The following ADGRA3 variants were observed in gnomAD, a reference collection of about 807,000 sequenced individuals.
ADGRA3 encodes the protein G-protein coupled receptor 125.
Under a neutral mutation model 119.8 loss-of-function variants are expected in ADGRA3, and 56 were observed. The observed-to-expected ratio is 0.47, with a 90% CI of 0.38 to 0.58. The LOEUF is 0.58. ADGRA3 is among the 20% of genes least tolerant of loss of function. The pLI is 0.00. For synonymous variants in ADGRA3, 607 were observed against 623.8 expected (o/e 0.97, Z 0.40); for missense variants, 1,516 against 1,649.0 (o/e 0.92, Z 1.40).
At chr4:22,487,676 C>T (rs551667009) in intron 1 of ADGRA3, among the ~76,000 whole-genome samples, 2 of 152,304 alleles carry the variant, frequency 1.3e-5, no homozygotes, top group South Asian at 2.1e-4. Flanking sequence ...AAGAGAGCCA[C>T]AGAGCAGGAC....
At chr4:22,432,322 A>G (rs1716211743) in intron 10 of ADGRA3, among the ~76,000 whole-genome samples, 1 of 152,172 alleles carries the variant, frequency 6.6e-6, no homozygotes, top group Non-Finnish European at 1.5e-5. Context: ...GGCAGCAATC[A>G]CTGCGTATAA....
intron 2 of ADGRA3, among the ~76,000 whole-genome samples, chr4:22,469,214 C>T (rs1242105656): frequency 6.6e-6 from 1 of 152,138 alleles, no homozygotes; most frequent in Non-Finnish European, 1.5e-5. Flanking sequence ...ACCCTCAACC[C>T]ACAGAGAGCC....
At chr4:22,402,254 T>C (rs539869917) in intron 15 of ADGRA3, among the ~76,000 whole-genome samples, 1 of 152,262 alleles carries the variant, frequency 6.6e-6, no homozygotes, top group South Asian at 2.1e-4. Flanking sequence ...CTTAAAAATG[T>C]CATCTATAAA....
At chr4:22,474,083 TAAGA>T (rs1411847223) in intron 1 of ADGRA3, among the ~76,000 whole-genome samples, 2 of 152,146 alleles carry the variant, frequency 1.3e-5, no homozygotes, top group African/African-American at 2.4e-5. Flanking sequence ...ATCAAAACTT[TAAGA>T]GAGAAAAGTC....
At chr4:22,401,052 C>CT (rs1465391465) in intron 16 of ADGRA3, among the ~76,000 whole-genome samples, 1 of 151,562 alleles carries the variant, frequency 6.6e-6, no homozygotes, top group East Asian at 1.9e-4. Context: ...ATGATTAACT[C>CT]TTTTTCTAAT....
chr4:22,453,200 C>CAAAAAAA (rs530504605), intron 4 of ADGRA3, among the ~76,000 whole-genome samples: 2 of 21,676 alleles, frequency 9.2e-5, no homozygotes, highest in Admixed American at 5.8e-4. Flanking sequence ...GACTCCATCT[C>CAAAAAAA]AAAAAAAAAA....
intron 2 of ADGRA3, among the ~76,000 whole-genome samples, chr4:22,466,452 C>T (rs1023794273): frequency 7.9e-5 from 12 of 152,156 alleles, no homozygotes; most frequent in Admixed American, 5.2e-4. Context: ...GAATGCTGGG[C>T]GCATTGGCTC....
At chr4:22,407,020 C>G (rs1388102597) in intron 14 of ADGRA3, among the ~76,000 whole-genome samples, 1 of 152,140 alleles carries the variant, frequency 6.6e-6, no homozygotes, top group Non-Finnish European at 1.5e-5. Context: ...GCCTGTAATC[C>G]CAGCACTTTG....
intron 9 of ADGRA3, 106 bp downstream of exon 9, chr4:22,436,334 T>C: frequency 1.3e-6 from 1 of 794,816 alleles, no homozygotes; most frequent in Admixed American, 2.8e-5. Flanking sequence ...AAACACAAAA[T>C]CCTTATGTTT....
At chr4:22,436,239 A>G (rs2109061657) in intron 9 of ADGRA3, among the ~76,000 whole-genome samples, 1 of 152,224 alleles carries the variant, frequency 6.6e-6, no homozygotes, top group East Asian at 1.9e-4. Flanking sequence ...GGAGATGGTG[A>G]CTGCAAAGGA....
chr4:22,446,337 C>T (rs1203492619), intron 5 of ADGRA3, among the ~76,000 whole-genome samples: 1 of 152,176 alleles, frequency 6.6e-6, no homozygotes, highest in Non-Finnish European at 1.5e-5. Context: ...GATGAAAATA[C>T]TTCCCACGTT....
intron 1 of ADGRA3, among the ~76,000 whole-genome samples, chr4:22,475,885 T>C (rs1019908234): frequency 6.6e-6 from 1 of 152,080 alleles, no homozygotes; most frequent in Non-Finnish European, 1.5e-5. Flanking sequence ...AAAGACCTTA[T>C]TCATGTAACC....
chr4:22,399,931 T>C (rs1714540910), intron 16 of ADGRA3, among the ~76,000 whole-genome samples: 1 of 152,232 alleles, frequency 6.6e-6, no homozygotes, highest in Non-Finnish European at 1.5e-5. Context: ...ACCTATTATA[T>C]CTTTCCATTT....
chr4:22,475,009 C>T (rs73802821), intron 1 of ADGRA3, among the ~76,000 whole-genome samples: 1,924 of 152,216 alleles, frequency 0.013, 42 homozygotes, highest in African/African-American at 0.043. Context: ...GGTATTAATA[C>T]AAAACAGCCA....
intron 4 of ADGRA3, among the ~76,000 whole-genome samples, chr4:22,454,136 C>T (rs148062622): frequency 1.1e-3 from 160 of 152,306 alleles, no homozygotes; most frequent in African/African-American, 3.7e-3. Flanking sequence ...GCTGGGATTA[C>T]AGGCGTGAGC....
At chr4:22,449,223 C>A (rs1377374989) in intron 4 of ADGRA3, among the ~76,000 whole-genome samples, 1 of 151,484 alleles carries the variant, frequency 6.6e-6, no homozygotes, top group Non-Finnish European at 1.5e-5. Context: ...TGAGCCAGGA[C>A]TGCAGCACTG....
intron 16 of ADGRA3, among the ~76,000 whole-genome samples, chr4:22,398,613 GTTTA>G (rs1162936725): frequency 6.6e-6 from 1 of 151,734 alleles, no homozygotes; most frequent in Non-Finnish European, 1.5e-5. Flanking sequence ...AAAGTGGGCT[GTTTA>G]TTTTAGTGAT....
intron 2 of ADGRA3, chr4:22,473,004 C>T (rs1717908880): frequency 6.6e-6 from 1 of 152,120 alleles, no homozygotes; most frequent in Admixed American, 6.5e-5. Context: ...ACATCATAAG[C>T]AAAACTAGAC....
intron 10 of ADGRA3, among the ~76,000 whole-genome samples, chr4:22,429,061 T>C (rs942076747): frequency 1.1e-4 from 17 of 152,176 alleles, no homozygotes; most frequent in African/African-American, 4.1e-4. Flanking sequence ...GGAGAGATGA[T>C]GTGTCTACCA....
Sources: allele counts gnomAD v4.1 joint callset (sites outside exome capture counted in the v4.1 genomes callset), GRCh38; gene constraint gnomAD v4.1.1; transcripts MANE v1.5; gene names NCBI Gene and HGNC (gene_info 2026-07-23, HGNC 2026-07-21).